The following DTNA variants were observed in gnomAD, a reference collection of about 807,000 sequenced individuals.
The protein encoded by DTNA is dystrophin-related protein 3.
In DTNA, 43 loss-of-function variants were observed where a neutral mutation model predicts 100.7. That is an observed-to-expected ratio of 0.43 (90% CI 0.33 to 0.55). DTNA has a LOEUF of 0.55. Ranked by LOEUF, DTNA falls within the 20% of genes least tolerant of loss-of-function variation. DTNA has a pLI of 0.04. For synonymous variants in DTNA, 349 were observed against 347.9 expected, an observed-to-expected ratio of 1.00 and a Z score of -0.04; for missense variants, 798 against 953.9, an observed-to-expected ratio of 0.84 and a Z score of 2.15.
chr18:34,664,913 C>G (rs1237007390), intron 1 of DTNA, among the ~76,000 whole-genome samples: 1 of 151,506 alleles, frequency 6.6e-6, no homozygotes, highest in Non-Finnish European at 1.5e-5. Flanking sequence ...TTTTTTTAAC[C>G]CCAAAGTAGC....
chr18:34,640,341 T>G (rs531575925), intron 1 of DTNA, among the ~76,000 whole-genome samples: 7 of 152,292 alleles, frequency 4.6e-5, no homozygotes, highest in African/African-American at 1.4e-4. Flanking sequence ...ATCCATAGAT[T>G]AACAATTCTC....
chr18:34,542,131 G>C (rs1245278591), intron 1 of DTNA, among the ~76,000 whole-genome samples: 2 of 151,978 alleles, frequency 1.3e-5, no homozygotes, highest in Admixed American at 1.3e-4. Context: ...AGCTCACCAG[G>C]AACATGTACT....
At chr18:34,809,968 C>T (rs368821548) in intron 5 of DTNA, among the ~76,000 whole-genome samples, 1 of 152,108 alleles carries the variant, frequency 6.6e-6, no homozygotes, top group African/African-American at 2.4e-5. Flanking sequence ...GCAACCTAAA[C>T]ATAAACTTAC....
intron 1 of DTNA, among the ~76,000 whole-genome samples, chr18:34,608,378 TAAAC>T (rs1184519513): frequency 1.3e-5 from 2 of 152,174 alleles, no homozygotes; most frequent in African/African-American, 2.4e-5. Flanking sequence ...TTTATTCAAA[TAAAC>T]AATACTAAAT....
chr18:34,800,496 T>C (rs551513974), intron 4 of DTNA, among the ~76,000 whole-genome samples: 2 of 152,288 alleles, frequency 1.3e-5, no homozygotes, highest in African/African-American at 4.8e-5. Context: ...TGTGTTATAG[T>C]AGAGGCATGT....
At chr18:34,619,452 A>G (rs1157878850) in intron 1 of DTNA, among the ~76,000 whole-genome samples, 2 of 152,222 alleles carry the variant, frequency 1.3e-5, no homozygotes, top group African/African-American at 4.8e-5. Context: ...AGCAAGGAAA[A>G]ATTAGAGCCT....
chr18:34,560,566 A>G (rs2046540377), intron 1 of DTNA, among the ~76,000 whole-genome samples: 1 of 152,172 alleles, frequency 6.6e-6, no homozygotes, highest in East Asian at 1.9e-4. Flanking sequence ...CATATGATGC[A>G]TCTTAGTTTT....
chr18:34,818,314 A>G lies in DTNA; in HGVS notation c.860A>G (p.Lys287Arg), dbSNP rs754749101. Residue 287 changes from lysine to arginine, a missense_variant, in exon 8 of 23, where the codon AAA becomes AGA. This residue lies in a region of DTNA where 81 missense variants were observed against 153.5 expected (regional missense o/e 0.53). Transcript: ENST00000444659. ...TCTCATAGCAACCAGCACCAAATGA[A>G]AGAGTACACGTCATGGGTAAGGCAA... Reference protein sequence around the residue: ...GGSHSNQHQMKEYTSWKSPAK... With the variant: ...GGSHSNQHQMREYTSWKSPAK... The G allele has an allele frequency of 1.2e-6, 2 of 1,613,926 alleles. No individual in the cohort carries two copies. The highest frequency in any genetic ancestry group is 4.5e-5 in the East Asian group (2 of 44,878).
chr18:34,758,286 G>A (rs1006285372), intron 2 of DTNA, among the ~76,000 whole-genome samples: 3 of 152,130 alleles, frequency 2.0e-5, no homozygotes, highest in Non-Finnish European at 4.4e-5. Flanking sequence ...TCTCATCTAA[G>A]TATTATATAG....
chr18:34,614,825 T>C (rs571901589), intron 1 of DTNA, among the ~76,000 whole-genome samples: 12 of 152,290 alleles, frequency 7.9e-5, no homozygotes, highest in Admixed American at 2.6e-4. Flanking sequence ...CAAAAAGTAA[T>C]GTACAGTATT....
chr18:34,616,424 C>T (rs965432844), intron 1 of DTNA, among the ~76,000 whole-genome samples: 1 of 152,172 alleles, frequency 6.6e-6, no homozygotes, highest in Non-Finnish European at 1.5e-5. Context: ...AAGCAGACAA[C>T]CCACAGAATG....
upstream of DTNA, among the ~76,000 whole-genome samples, chr18:34,709,724 T>C (rs1169393389): frequency 6.6e-6 from 1 of 152,160 alleles, no homozygotes; most frequent in East Asian, 1.9e-4. Context: ...TCTGTTTAAA[T>C]AACAGTTAAA....
At chr18:34,537,074 A>G (rs2043789890) in intron 1 of DTNA, among the ~76,000 whole-genome samples, 1 of 152,020 alleles carries the variant, frequency 6.6e-6, no homozygotes, top group African/African-American at 2.4e-5. Context: ...TGTTCTGTGA[A>G]GTATCAGTAC....
intron 1 of DTNA, among the ~76,000 whole-genome samples, chr18:34,511,093 G>A (rs1254576120): frequency 6.6e-6 from 1 of 151,994 alleles, no homozygotes; most frequent in Non-Finnish European, 1.5e-5. Flanking sequence ...TAGAGACTGA[G>A]CTATAAATAA....
At chr18:34,565,752 C>T (rs929004504) in intron 1 of DTNA, among the ~76,000 whole-genome samples, 2 of 152,168 alleles carry the variant, frequency 1.3e-5, no homozygotes, top group Non-Finnish European at 2.9e-5. Flanking sequence ...ATGATTTCAT[C>T]CCAAGATCTA....
intron 1 of DTNA, among the ~76,000 whole-genome samples, chr18:34,731,325 A>G (rs1027938581): frequency 1.3e-5 from 2 of 150,944 alleles, no homozygotes; most frequent in Non-Finnish European, 3.0e-5. Flanking sequence ...TAAAAATACA[A>G]AAAATTAGCC....
At chr18:34,843,499 AG>A (rs1472181425) in intron 13 of DTNA, among the ~76,000 whole-genome samples, 1 of 152,132 alleles carries the variant, frequency 6.6e-6, no homozygotes, top group African/African-American at 2.4e-5. Context: ...TCCAAGACTA[AG>A]GTGCCAGCAG....
chr18:34,557,201 C>A (rs1238377313), intron 1 of DTNA, among the ~76,000 whole-genome samples: 1 of 147,280 alleles, frequency 6.8e-6, no homozygotes, highest in Non-Finnish European at 1.5e-5. Context: ...GTTCTCGAGC[C>A]TTGGTTTTCA....
intron 22 of DTNA, among the ~76,000 whole-genome samples, chr18:34,885,190 C>A (rs1487996943): frequency 6.6e-6 from 1 of 152,148 alleles, no homozygotes; most frequent in African/African-American, 2.4e-5. Context: ...TACTATACCT[C>A]GGGCTCAAGA....
Sources: gnomAD v4.1 joint callset for allele counts (sites outside exome capture counted in the v4.1 genomes callset) on GRCh38, gnomAD v4.1.1 for gene constraint, gnomAD v4.1.1 regional missense constraint, MANE v1.5 for transcripts, NCBI Gene and HGNC (gene_info 2026-07-23, HGNC 2026-07-21) for gene names.